The following CADPS2 variants were observed in gnomAD, a reference collection of about 807,000 sequenced individuals.
The protein encoded by CADPS2 is calcium-dependent secretion activator 2.
A neutral mutation model predicts 172.5 loss-of-function variants in CADPS2; 93 were observed. The observed-to-expected ratio is 0.54, with a 90% CI of 0.46 to 0.64. The LOEUF (loss-of-function observed/expected upper bound fraction) is 0.64. CADPS2 is among the 30% of genes least tolerant of loss of function. The pLI is 0.00. For synonymous variants in CADPS2, 546 were observed against 555.2 expected (o/e 0.98, Z 0.23); for missense variants, 1,420 against 1,565.9 (o/e 0.91, Z 1.57).
chr7:122,599,826 G>A (rs559561202), intron 6 of CADPS2, among the ~76,000 whole-genome samples: 1 of 152,032 alleles, frequency 6.6e-6, no homozygotes, highest in Non-Finnish European at 1.5e-5. Context: ...ACTATATTCT[G>A]TGTTACTTTA....
intron 5 of CADPS2, among the ~76,000 whole-genome samples, chr7:122,620,445 T>C (rs1050209483): frequency 6.6e-6 from 1 of 152,150 alleles, no homozygotes; most frequent in East Asian, 1.9e-4. Flanking sequence ...TGTGTATGTG[T>C]TGTGGTGTAC....
chr7:122,342,867 CT>C (rs1453359902), intron 28 of CADPS2, among the ~76,000 whole-genome samples: 1 of 152,110 alleles, frequency 6.6e-6, no homozygotes, highest in Admixed American at 6.6e-5. Context: ...TCTCTTCAAT[CT>C]TTTATCTGTA....
At chr7:122,696,797 C>T (rs2085177516) in intron 2 of CADPS2, among the ~76,000 whole-genome samples, 1 of 151,996 alleles carries the variant, frequency 6.6e-6, no homozygotes, top group South Asian at 2.1e-4. Flanking sequence ...TTGGGAAAAA[C>T]AGTCAAGTTT....
intron 28 of CADPS2, among the ~76,000 whole-genome samples, chr7:122,327,446 T>C (rs1282869573): frequency 6.6e-6 from 1 of 152,120 alleles, no homozygotes; most frequent in African/African-American, 2.4e-5. Context: ...TATTTCTTTC[T>C]TGTTGAAGGA....
At chr7:122,723,136 T>TA (rs1413638454) in intron 2 of CADPS2, among the ~76,000 whole-genome samples, 9 of 152,058 alleles carry the variant, frequency 5.9e-5, no homozygotes, top group African/African-American at 2.2e-4. Context: ...ACTTCATGTC[T>TA]AAAACAACAA....
intron 11 of CADPS2, among the ~76,000 whole-genome samples, chr7:122,484,066 C>G (rs180892564): frequency 2.6e-5 from 4 of 152,040 alleles, no homozygotes; most frequent in Non-Finnish European, 2.9e-5. Context: ...TGAAGGCATT[C>G]CCAGTAAAAT....
chr7:122,499,521 G>A (rs573768092), intron 9 of CADPS2, among the ~76,000 whole-genome samples: 1 of 152,178 alleles, frequency 6.6e-6, no homozygotes, highest in Admixed American at 6.5e-5. Context: ...GGCCAAAAAG[G>A]AATTCTTAAT....
intron 1 of CADPS2, among the ~76,000 whole-genome samples, chr7:122,788,696 C>G (rs946278952): frequency 4.6e-5 from 7 of 152,146 alleles, no homozygotes; most frequent in Admixed American, 1.3e-4. Flanking sequence ...TGGCTTTAGG[C>G]TGATTGCACT....
At chr7:122,682,552 T>A (rs1382105684) in intron 2 of CADPS2, among the ~76,000 whole-genome samples, 1 of 152,188 alleles carries the variant, frequency 6.6e-6, no homozygotes, top group African/African-American at 2.4e-5. Flanking sequence ...TCATAATATA[T>A]CTAATGTTGA....
At chr7:122,865,550 G>A (rs1425167566) in intron 1 of CADPS2, among the ~76,000 whole-genome samples, 2 of 152,162 alleles carry the variant, frequency 1.3e-5, no homozygotes, top group East Asian at 3.9e-4. Flanking sequence ...AGCAGTCTCT[G>A]GCTTGTATCT....
At chr7:122,469,249 G>T (rs2055574564) in intron 14 of CADPS2, among the ~76,000 whole-genome samples, 1 of 152,132 alleles carries the variant, frequency 6.6e-6, no homozygotes, top group Non-Finnish European at 1.5e-5. Flanking sequence ...CACATTAGCT[G>T]AATTTTCCAC....
intron 2 of CADPS2, chr7:122,698,658 A>G (rs995521707): frequency 6.2e-7 from 1 of 1,614,004 alleles, no homozygotes; most frequent in Non-Finnish European, 8.5e-7. Context: ...TGGTATTGGG[A>G]TTACATGCAT....
chr7:122,521,471 G>T (rs2060787665), intron 8 of CADPS2, among the ~76,000 whole-genome samples: 1 of 145,254 alleles, frequency 6.9e-6, no homozygotes, highest in Non-Finnish European at 1.5e-5. Context: ...AGACTTTTTT[G>T]CGGGGGGGTG....
At chr7:122,701,952 G>T (rs372584162) in intron 2 of CADPS2, 18 of 1,613,494 alleles carry the variant, frequency 1.1e-5, no homozygotes, top group Non-Finnish European at 1.4e-5. Context: ...ACATCTTGGG[G>T]TTTGTATGTG....
intron 2 of CADPS2, among the ~76,000 whole-genome samples, chr7:122,734,175 G>A (rs1261023081): frequency 2.7e-5 from 4 of 150,604 alleles, no homozygotes; most frequent in East Asian, 3.9e-4. Context: ...TTAACTTCAT[G>A]AGTAAGATGG....
intron 2 of CADPS2, among the ~76,000 whole-genome samples, chr7:122,693,949 G>C (rs2136103691): frequency 6.6e-6 from 1 of 152,300 alleles, no homozygotes; most frequent in East Asian, 1.9e-4. Flanking sequence ...GGGTGACAGA[G>C]GAAGAGCTCT....
At chr7:122,549,848 A>G (rs1156786962) in intron 8 of CADPS2, among the ~76,000 whole-genome samples, 1 of 152,128 alleles carries the variant, frequency 6.6e-6, no homozygotes, top group African/African-American at 2.4e-5. Flanking sequence ...AGGTACATTT[A>G]AAAATGAAAT....
At chr7:122,727,214 G>C (rs2137349774) in intron 2 of CADPS2, among the ~76,000 whole-genome samples, 1 of 152,036 alleles carries the variant, frequency 6.6e-6, no homozygotes, top group Non-Finnish European at 1.5e-5. Flanking sequence ...AAAGTATTAA[G>C]ACTATGGCAT....
chr7:122,354,803 T>C (rs2039161466), intron 27 of CADPS2, among the ~76,000 whole-genome samples: 1 of 152,158 alleles, frequency 6.6e-6, no homozygotes, highest in Admixed American at 6.5e-5. Flanking sequence ...TTTGCCACCA[T>C]GAGCATTCCA....
Sources: allele counts gnomAD v4.1 joint callset (sites outside exome capture counted in the v4.1 genomes callset), GRCh38; gene constraint gnomAD v4.1.1; transcripts MANE v1.5; gene names NCBI Gene and HGNC (gene_info 2026-07-23, HGNC 2026-07-21).